The following DNAI4 variants were observed in gnomAD, a reference collection of about 807,000 sequenced individuals.
The protein encoded by DNAI4 is dynein axonemal intermediate chain 4.
DNAI4 carries 85 observed loss-of-function variants against 105.8 expected under a neutral mutation model. The observed-to-expected ratio is 0.80, with a 90% CI of 0.67 to 0.96. The LOEUF is 0.96. Among genes scored for constraint, DNAI4 ranks in the 40% least tolerant of loss-of-function variants. DNAI4 has a pLI of 0.00. For synonymous variants in DNAI4, 352 were observed against 331.5 expected (o/e 1.06, Z -0.67); for missense variants, 1,014 against 1,005.6 (o/e 1.01, Z -0.11).
chr1:66,829,621 T>C (rs1249234442), intron 13 of DNAI4, among the ~76,000 whole-genome samples: 2 of 152,138 alleles, frequency 1.3e-5, no homozygotes, highest in Non-Finnish European at 2.9e-5. Context: ...ACAATTATGG[T>C]TGGAGACTTT....
At chr1:66,857,443 AACTGCACGTTGTGC>A (rs1364433123) in intron 7 of DNAI4, among the ~76,000 whole-genome samples, 1 of 152,066 alleles carries the variant, frequency 6.6e-6, no homozygotes, top group Non-Finnish European at 1.5e-5. Flanking sequence ...TATGTAACAA[AACTGCACGTTGTGC>A]ACATGTGCCC....
chr1:66,908,935 T>A (rs375346527), intron 1 of DNAI4, among the ~76,000 whole-genome samples: 4 of 152,360 alleles, frequency 2.6e-5, no homozygotes, highest in African/African-American at 7.2e-5. Context: ...CACTGTCACA[T>A]CTATGCACTT....
At chr1:66,897,617 T>C (rs2100799276) in intron 2 of DNAI4, among the ~76,000 whole-genome samples, 1 of 152,234 alleles carries the variant, frequency 6.6e-6, no homozygotes, top group Non-Finnish European at 1.5e-5. Context: ...AAGAGCCCAC[T>C]ACCCAGAACT....
intron 4 of DNAI4, among the ~76,000 whole-genome samples, chr1:66,884,440 G>A (rs1647148922): frequency 1.3e-5 from 2 of 152,158 alleles, no homozygotes; most frequent in Non-Finnish European, 2.9e-5. Flanking sequence ...CATCAACAGT[G>A]TATAAGAGTT....
chr1:66,837,869 A>T, intron 9 of DNAI4, 73 bp from the exon 10 acceptor site: 5 of 1,341,480 alleles, frequency 3.7e-6, no homozygotes, highest in Non-Finnish European at 5.1e-6. Context: ...ATAAAGATAT[A>T]TATTAATGAG....
At position 66,814,137 on chromosome 1, in the gene DNAI4, G is replaced by T; in HGVS notation, c.2540C>A (p.Ser847Ter). ...AATATTAGGAATGATGAATTATGCT[G>T]ATTGGTTTGACTTGGATCCAAGCAA... ...DTLLGSKSNQ[S>*]A The change falls in exon 17 of 17, where the codon TCA (serine) becomes TAA (stop). Residue 847 changes from serine (S) to a stop codon, truncating the protein, a stop_gained. Transcript: ENST00000371026. LOFTEE classifies it high-confidence loss of function. 1.3e-6 allele frequency: 2 copies of T among 1,589,506 alleles called. No individual in the cohort carries two copies. Among genetic ancestry groups the T allele is most frequent in the Non-Finnish European group, 1.7e-6 (2 of 1,176,444 alleles).
chr1:66,858,419 G>A (rs1250289098), intron 7 of DNAI4, among the ~76,000 whole-genome samples: 1 of 151,382 alleles, frequency 6.6e-6, no homozygotes, highest in African/African-American at 2.4e-5. Flanking sequence ...TGTAGTCCCA[G>A]CTACTCGGGA....
chr1:66,840,996 G>T (rs916226058), intron 8 of DNAI4, among the ~76,000 whole-genome samples: 2 of 152,204 alleles, frequency 1.3e-5, no homozygotes, highest in Non-Finnish European at 2.9e-5. Context: ...TGTAAAAGGT[G>T]CCAGGTACAA....
In DNAI4 at chr1:66,835,839, AT is replaced by A; in HGVS notation, c.1582-63del. 3 of 1,489,046 alleles carry A rather than the reference AT, an allele frequency of 2.0e-6. No individual in the cohort carries two copies. The South Asian group carries it at 3.4e-5, about 17-fold the overall frequency. The allele number at this position is 1,489,046 out of a possible 1,614,324, so 92.2% of individuals were successfully genotyped here. A position where few individuals can be genotyped will look rare whatever the true frequency, so the allele number is the denominator to read the frequency against. ...GTAGACCACAGTAAGGCAGAATATA[AT>A]GGTGGCTGAGATTTAGTTTGGTGGC... On this transcript the variant is annotated intron_variant, in intron 10 of 16. Coordinates refer to ENST00000371026, the MANE Select transcript of DNAI4 (RefSeq NM_024763.5).
intron 8 of DNAI4, among the ~76,000 whole-genome samples, chr1:66,841,849 T>A (rs1646155914): frequency 6.6e-6 from 1 of 152,214 alleles, no homozygotes; most frequent in African/African-American, 2.4e-5. Context: ...TAGTTTTACA[T>A]TTTAAATTTT....
At chr1:66,906,663 A>G (rs1649273508) in intron 1 of DNAI4, among the ~76,000 whole-genome samples, 1 of 152,168 alleles carries the variant, frequency 6.6e-6, no homozygotes, top group African/African-American at 2.4e-5. Context: ...CTTAATAAAT[A>G]TTTTTAAAAT....
chr1:66,889,215 G>T (rs970619071), intron 4 of DNAI4, among the ~76,000 whole-genome samples: 4 of 152,128 alleles, frequency 2.6e-5, no homozygotes, highest in African/African-American at 9.7e-5. Flanking sequence ...AGCTAAGGGT[G>T]GTCATGTGAC....
chr1:66,840,766 C>A, intron 8 of DNAI4, 95 bp from the exon 9 acceptor site: 1 of 1,260,864 alleles, frequency 7.9e-7, no homozygotes, highest in South Asian at 1.3e-5. Flanking sequence ...ACTGACACTT[C>A]AAGCACCATC....
intron 3 of DNAI4, among the ~76,000 whole-genome samples, chr1:66,892,986 A>AG (rs1647839399): frequency 8.0e-6 from 1 of 125,470 alleles, no homozygotes; most frequent in African/African-American, 3.4e-5. Flanking sequence ...AGAAAGAAAG[A>AG]AAGAAAGAAA....
intron 2 of DNAI4, among the ~76,000 whole-genome samples, 163 bp from the exon 3 acceptor site, chr1:66,893,576 A>C (rs1648051930): frequency 1.3e-5 from 2 of 152,198 alleles, no homozygotes; most frequent in Non-Finnish European, 2.9e-5. Context: ...TCATGCTTAG[A>C]AAGTTTCTTA....
chr1:66,901,548 A>T (rs1043925189), intron 2 of DNAI4, among the ~76,000 whole-genome samples: 2 of 152,054 alleles, frequency 1.3e-5, no homozygotes, highest in Non-Finnish European at 2.9e-5. Context: ...ATGATTTTTC[A>T]TTATATTTTA....
chr1:66,873,346 A>G (rs922326369), intron 5 of DNAI4, among the ~76,000 whole-genome samples: 5 of 151,620 alleles, frequency 3.3e-5, no homozygotes, highest in African/African-American at 1.2e-4. Context: ...TGATCAATCA[A>G]GTGATTCTCC....
intron 15 of DNAI4, 124 bp downstream of exon 15, chr1:66,826,696 C>A: frequency 1.3e-6 from 1 of 753,268 alleles, no homozygotes; most frequent in Non-Finnish European, 2.2e-6. Flanking sequence ...TCATAAAGGA[C>A]TCTCATAAAC....
chr1:66,849,061 G>T (rs1316360256), intron 7 of DNAI4, among the ~76,000 whole-genome samples: 1 of 152,168 alleles, frequency 6.6e-6, no homozygotes, highest in South Asian at 2.1e-4. Context: ...TACAGTGTCA[G>T]TGGAGACCAG....
Sources: allele counts gnomAD v4.1 joint callset (sites outside exome capture counted in the v4.1 genomes callset), GRCh38; gene constraint gnomAD v4.1.1; transcripts MANE v1.5; gene names NCBI Gene and HGNC (gene_info 2026-07-23, HGNC 2026-07-21).